The following TBC1D4 variants were observed in gnomAD, a reference collection of about 807,000 sequenced individuals.
TBC1D4 encodes TBC (Tre-2, BUB2, CDC16) domain-containing protein.
In TBC1D4, 121 loss-of-function variants were observed where a neutral mutation model predicts 142.5. The ratio of observed to expected loss-of-function variants is 0.85; its 90% CI spans 0.73 to 0.99. TBC1D4 has a LOEUF of 0.99. TBC1D4 is among the 50% of genes least tolerant of loss of function. The pLI is 0.00. For synonymous variants in TBC1D4, 630 were observed against 628.2 expected, an observed-to-expected ratio of 1.00 and a Z score of -0.04; for missense variants, 1,475 against 1,606.6, an observed-to-expected ratio of 0.92 and a Z score of 1.40.
At chr13:75,333,143 C>T (rs1345233565) in intron 8 of TBC1D4, among the ~76,000 whole-genome samples, 1 of 152,216 alleles carries the variant, frequency 6.6e-6, no homozygotes, top group East Asian at 1.9e-4. Flanking sequence ...CACTTATACA[C>T]TGAAGGTGAA....
At chr13:75,436,678 A>G (rs1415185809) in intron 1 of TBC1D4, among the ~76,000 whole-genome samples, 1 of 151,942 alleles carries the variant, frequency 6.6e-6, no homozygotes, top group Non-Finnish European at 1.5e-5. Context: ...AACAAAAAAC[A>G]TTTTACAACC....
At chr13:75,379,856 G>A (rs541365395) in intron 1 of TBC1D4, among the ~76,000 whole-genome samples, 57 of 131,638 alleles carry the variant, frequency 4.3e-4, no homozygotes, top group African/African-American at 1.5e-3. Context: ...GAAAGCTAGT[G>A]TTGAAGTATA....
intron 1 of TBC1D4, among the ~76,000 whole-genome samples, chr13:75,463,180 G>GA (rs11382214): frequency 0.97 from 146,073 of 151,034 alleles, 70,783 homozygotes; most frequent in African/African-American, 0.98. Flanking sequence ...TAACACTATA[G>GA]AAAAAAAAAG....
intron 1 of TBC1D4, among the ~76,000 whole-genome samples, chr13:75,451,699 T>G (rs1393287172): frequency 6.7e-6 from 1 of 149,502 alleles, no homozygotes; most frequent in African/African-American, 2.4e-5. Flanking sequence ...CTCCAAAAGC[T>G]TTTCTATGTA....
At chr13:75,469,998 T>A (rs921189094) in intron 1 of TBC1D4, among the ~76,000 whole-genome samples, 6 of 152,212 alleles carry the variant, frequency 3.9e-5, no homozygotes, top group Admixed American at 6.5e-5. Flanking sequence ...CAACAAAAAA[T>A]TTTTAAGTAG....
intron 1 of TBC1D4, among the ~76,000 whole-genome samples, chr13:75,404,196 G>T (rs1051021690): frequency 6.6e-6 from 1 of 152,080 alleles, no homozygotes; most frequent in Non-Finnish European, 1.5e-5. Context: ...AAAAAGCAGA[G>T]TTCAAAACTG....
intron 1 of TBC1D4, among the ~76,000 whole-genome samples, chr13:75,436,371 T>A (rs137939148): frequency 6.6e-6 from 1 of 152,216 alleles, no homozygotes; most frequent in Non-Finnish European, 1.5e-5. Flanking sequence ...AAACTACCAT[T>A]TCAGGCTGGG....
intron 1 of TBC1D4, among the ~76,000 whole-genome samples, chr13:75,454,247 T>A (rs895769911): frequency 6.6e-6 from 1 of 152,084 alleles, no homozygotes; most frequent in African/African-American, 2.4e-5. Flanking sequence ...AATAAAAATA[T>A]ATTAGTGATC....
At chr13:75,425,762 AT>A (rs1307337321) in intron 1 of TBC1D4, among the ~76,000 whole-genome samples, 1 of 152,186 alleles carries the variant, frequency 6.6e-6, no homozygotes, top group East Asian at 1.9e-4. Flanking sequence ...TCTAAAAAAA[AT>A]TAACTCATAG....
chr13:75,386,890 C>G (rs962287105), intron 1 of TBC1D4, among the ~76,000 whole-genome samples: 1 of 152,006 alleles, frequency 6.6e-6, no homozygotes, highest in Non-Finnish European at 1.5e-5. Context: ...TGCTTGAAAA[C>G]CTGGTGTAGG....
intron 1 of TBC1D4, among the ~76,000 whole-genome samples, chr13:75,380,872 C>CT (rs1265912298): frequency 3.3e-5 from 5 of 152,022 alleles, no homozygotes; most frequent in South Asian, 2.1e-4. Context: ...TTCCCCCTAC[C>CT]TTTTTTTAAC....
intron 1 of TBC1D4, among the ~76,000 whole-genome samples, chr13:75,436,776 C>T (rs1241920448): frequency 6.6e-6 from 1 of 152,068 alleles, no homozygotes; most frequent in Non-Finnish European, 1.5e-5. Context: ...CCCACAGAAT[C>T]CTTATTATTA....
intron 5 of TBC1D4, among the ~76,000 whole-genome samples, chr13:75,343,407 C>T (rs1880878221): frequency 6.6e-6 from 1 of 152,186 alleles, no homozygotes; most frequent in Non-Finnish European, 1.5e-5. Flanking sequence ...CTCCACATTT[C>T]TTTGTGCAAT....
At chr13:75,397,449 G>C (rs1884854167) in intron 1 of TBC1D4, among the ~76,000 whole-genome samples, 1 of 152,180 alleles carries the variant, frequency 6.6e-6, no homozygotes, top group African/African-American at 2.4e-5. Context: ...GAATGTAAGG[G>C]ATACTCTCTG....
chr13:75,436,093 T>C (rs911348630), intron 1 of TBC1D4, among the ~76,000 whole-genome samples: 1 of 152,104 alleles, frequency 6.6e-6, no homozygotes, highest in Non-Finnish European at 1.5e-5. Flanking sequence ...GTTCTCATGA[T>C]AGGGAATAAG....
chr13:75,411,890 TC>T (rs1196782155), intron 1 of TBC1D4, among the ~76,000 whole-genome samples: 1 of 152,110 alleles, frequency 6.6e-6, no homozygotes, highest in African/African-American at 2.4e-5. Context: ...AAGCACTGCT[TC>T]CATTTGCAAT....
chr13:75,303,302 G>A (rs1364201450), intron 15 of TBC1D4, among the ~76,000 whole-genome samples: 2 of 151,998 alleles, frequency 1.3e-5, no homozygotes, highest in Non-Finnish European at 2.9e-5. Context: ...GGGAGACACA[G>A]CGAGACTCTG....
chr13:75,464,517 A>G (rs896545846), intron 1 of TBC1D4, among the ~76,000 whole-genome samples: 5 of 152,210 alleles, frequency 3.3e-5, no homozygotes, highest in Admixed American at 2.0e-4. Flanking sequence ...TCACTGGCTT[A>G]CTGTCAATAA....
chr13:75,481,781 C>T lies in TBC1D4; in HGVS notation c.-14G>A, dbSNP rs766964472. ...GGGCGGCTCCATAACTCTCGCCTCA[C>T]CAGGGCACCGCGGAGGCCGGCCGGG... On this transcript the variant is annotated 5_prime_UTR_variant, in exon 1 of 21. It adds an upstream start codon to the 5' untranslated region. Coordinates refer to ENST00000377636, the MANE Select transcript of TBC1D4 (RefSeq NM_014832.5). 2.0e-6 allele frequency: 3 copies of T among 1,529,672 alleles called. No individual in the cohort carries two copies. The highest frequency in any genetic ancestry group is 2.6e-6 in the Non-Finnish European group (3 of 1,147,108). 94.8% of individuals were successfully genotyped at this position (1,529,672 alleles called of 1,614,324 possible). A position where few individuals can be genotyped will look rare whatever the true frequency, so the allele number is the denominator to read the frequency against.
Sources: allele counts gnomAD v4.1 joint callset (sites outside exome capture counted in the v4.1 genomes callset), GRCh38; gene constraint gnomAD v4.1.1; transcripts MANE v1.5; gene names NCBI Gene and HGNC (gene_info 2026-07-23, HGNC 2026-07-21).